Variants in ARID4B observed in about 807,000 individuals in gnomAD.
ARID4B encodes the protein AT-rich interaction domain 4B.
A neutral mutation model predicts 147.5 loss-of-function variants in ARID4B; 26 were observed. The ratio of observed to expected loss-of-function variants is 0.18; its 90% confidence interval spans 0.13 to 0.24. ARID4B has a LOEUF of 0.24. Among genes scored for constraint, ARID4B ranks in the 10% least tolerant of loss-of-function variants. ARID4B has a pLI of 1.00. For synonymous variants in ARID4B, 512 were observed against 507.9 expected (o/e 1.01, Z -0.11); for missense variants, 1,179 against 1,511.5 (o/e 0.78, Z 3.65).
At chr1:235,257,920 T>C (rs1261563887) in intron 3 of ARID4B, among the ~76,000 whole-genome samples, 2 of 152,228 alleles carry the variant, frequency 1.3e-5, no homozygotes, top group Non-Finnish European at 2.9e-5. Flanking sequence ...ACCTTAATAA[T>C]AAACAGTAGC....
intron 2 of ARID4B, among the ~76,000 whole-genome samples, chr1:235,279,129 T>C (rs1354064613): frequency 6.6e-6 from 1 of 152,108 alleles, no homozygotes; most frequent in East Asian, 1.9e-4. Context: ...GCTCCAGACA[T>C]TCCGAATTAG....
chr1:235,307,705 T>C (rs893423437), intron 2 of ARID4B, among the ~76,000 whole-genome samples: 7 of 152,226 alleles, frequency 4.6e-5, no homozygotes, highest in Non-Finnish European at 2.9e-5. Flanking sequence ...TCAGGCTATA[T>C]GGGCCACAGT....
chr1:235,201,014 G>A (rs1043310225), intron 17 of ARID4B, among the ~76,000 whole-genome samples: 19 of 152,104 alleles, frequency 1.2e-4, no homozygotes, highest in African/African-American at 3.6e-4. Flanking sequence ...CTGTGGCGGC[G>A]GGCACCTGTA....
intron 2 of ARID4B, among the ~76,000 whole-genome samples, chr1:235,269,027 C>T (rs1670799164): frequency 6.6e-6 from 1 of 152,054 alleles, no homozygotes; most frequent in African/African-American, 2.4e-5. Context: ...GCTATTATCT[C>T]CTTAGGGATA....
At chr1:235,262,665 C>A (rs2103120957) in intron 2 of ARID4B, among the ~76,000 whole-genome samples, 1 of 152,230 alleles carries the variant, frequency 6.6e-6, no homozygotes, top group East Asian at 1.9e-4. Flanking sequence ...ACTCACACCA[C>A]TTCGCTCCAA....
intron 17 of ARID4B, among the ~76,000 whole-genome samples, chr1:235,210,130 G>C (rs1287978690): frequency 6.6e-6 from 1 of 152,000 alleles, no homozygotes. Flanking sequence ...CAGAGGCTGA[G>C]GTGGGAGGAT....
chr1:235,282,243 C>T (rs1335692953), intron 2 of ARID4B, among the ~76,000 whole-genome samples: 1 of 152,134 alleles, frequency 6.6e-6, no homozygotes, highest in Non-Finnish European at 1.5e-5. Flanking sequence ...TAATTATATC[C>T]TCAGGATTCA....
Position 235,260,626 on chromosome 1 carries a change from T to G in ARID4B, c.117+16A>C. 6.6e-7 allele frequency: 1 copy of G among 1,523,026 alleles called. No individual in the cohort carries two copies. Among genetic ancestry groups the G allele is most frequent in the Non-Finnish European group, 8.9e-7 (1 of 1,127,774 alleles). 94.3% of individuals were successfully genotyped at this position (1,523,026 alleles called of 1,614,324 possible). On this transcript the variant is annotated intron_variant, in intron 3 of 23. Transcript: ENST00000264183. ...AATGCTGAACATACAATTTATGAAA[T>G]CTATAAATACTGTACCTTGACTTTG...
chr1:235,287,178 GAA>G (rs1384120487), intron 2 of ARID4B, among the ~76,000 whole-genome samples: 1 of 152,188 alleles, frequency 6.6e-6, no homozygotes, highest in Non-Finnish European at 1.5e-5. Context: ...AGAATTGCTT[GAA>G]CCCAAGAGGC....
chr1:235,326,852 C>A, intron 2 of ARID4B, 62 bp downstream of exon 2: 1 of 1,604,078 alleles, frequency 6.2e-7, no homozygotes, highest in South Asian at 1.1e-5. Context: ...ACGACCTCGT[C>A]GAAACCTCCT....
intron 2 of ARID4B, among the ~76,000 whole-genome samples, chr1:235,281,615 T>C (rs935299640): frequency 1.3e-5 from 2 of 151,642 alleles, no homozygotes; most frequent in Non-Finnish European, 2.9e-5. Context: ...GAGGCTGAGG[T>C]AGAAGGATCA....
intron 2 of ARID4B, among the ~76,000 whole-genome samples, chr1:235,282,611 TATATCTACAC>T (rs1671730030): frequency 6.6e-6 from 1 of 151,918 alleles, no homozygotes; most frequent in South Asian, 2.1e-4. Flanking sequence ...TCAGAGATGA[TATATCTACAC>T]AATAAAGCCT....
chr1:235,308,865 T>G (rs1673788424), intron 2 of ARID4B, among the ~76,000 whole-genome samples: 1 of 152,196 alleles, frequency 6.6e-6, no homozygotes, highest in Non-Finnish European at 1.5e-5. Context: ...CCTCCCAAAG[T>G]GCCGAGAGTG....
chr1:235,223,540 CTTTTA>C (rs1460152583), intron 12 of ARID4B, among the ~76,000 whole-genome samples: 1 of 149,960 alleles, frequency 6.7e-6, no homozygotes. Flanking sequence ...TTCTTGAAAC[CTTTTA>C]TTTTCATTCT....
chr1:235,235,971 C>T (rs1363589059), intron 8 of ARID4B, among the ~76,000 whole-genome samples: 1 of 148,618 alleles, frequency 6.7e-6, no homozygotes, highest in African/African-American at 2.5e-5. Flanking sequence ...GACAAGGTCT[C>T]ACTCTGTGCA....
chr1:235,274,330 A>C (rs561335880), intron 2 of ARID4B, among the ~76,000 whole-genome samples: 5 of 152,170 alleles, frequency 3.3e-5, no homozygotes, highest in Admixed American at 3.3e-4. Flanking sequence ...AGCTGAGATT[A>C]CACCACTGCA....
At chr1:235,187,456 T>G (rs927692096) in intron 19 of ARID4B, among the ~76,000 whole-genome samples, 3 of 152,208 alleles carry the variant, frequency 2.0e-5, no homozygotes, top group Non-Finnish European at 2.9e-5. Flanking sequence ...TATTAAAACT[T>G]GATTGACACT....
At chr1:235,251,681 A>G (rs990561701) in intron 6 of ARID4B, among the ~76,000 whole-genome samples, 17 of 151,906 alleles carry the variant, frequency 1.1e-4, no homozygotes, top group African/African-American at 3.4e-4. Context: ...AATAATAACA[A>G]ATAAGTAATA....
At chr1:235,294,831 T>C (rs1672582004) in intron 2 of ARID4B, among the ~76,000 whole-genome samples, 2 of 151,474 alleles carry the variant, frequency 1.3e-5, no homozygotes, top group South Asian at 2.1e-4. Flanking sequence ...TTTAAAAATA[T>C]GCTCAACATT....
Sources: gnomAD v4.1 joint callset for allele counts (sites outside exome capture counted in the v4.1 genomes callset) on GRCh38, gnomAD v4.1.1 for gene constraint, MANE v1.5 for transcripts, NCBI Gene and HGNC (gene_info 2026-07-23, HGNC 2026-07-21) for gene names.